Variants in CLCN5 observed in about 807,000 individuals in gnomAD.
The protein encoded by CLCN5 is H(+)/Cl(-) exchange transporter 5.
In CLCN5, 17 loss-of-function variants were observed where a neutral mutation model predicts 54.0. The ratio of observed to expected loss-of-function variants is 0.31; its 90% CI spans 0.22 to 0.47. CLCN5 has a LOEUF of 0.47. Ranked by LOEUF, CLCN5 falls within the 20% of genes least tolerant of loss-of-function variation. The pLI, the probability that CLCN5 is intolerant of heterozygous loss-of-function variation, is 1.00. For missense variants in CLCN5, 448 were observed against 646.7 expected (o/e 0.69, Z 3.33); for synonymous variants, 222 against 233.0 (o/e 0.95, Z 0.43).
chrX:50,081,433 C>G (rs1258625474), intron 8 of CLCN5, among the ~76,000 whole-genome samples: 1 of 111,033 alleles, frequency 9.0e-6, no homozygotes, highest in Non-Finnish European at 1.9e-5. Flanking sequence ...CTCCCCTCCC[C>G]CTAAAAAGGG....
intron 3 of CLCN5, among the ~76,000 whole-genome samples, chrX:49,993,010 T>C (rs139917196): frequency 9.0e-6 from 1 of 111,659 alleles, no homozygotes; most frequent in East Asian, 2.8e-4. Flanking sequence ...TACAATAGTT[T>C]AAGCAGATTT....
At chrX:49,961,521 C>G (rs782409694) in intron 3 of CLCN5, among the ~76,000 whole-genome samples, 128 of 111,966 alleles carry the variant, frequency 1.1e-3, no homozygotes, top group African/African-American at 4.1e-3. Flanking sequence ...CTGGAAAGCA[C>G]CTTCCTTAAC....
intron 3 of CLCN5, among the ~76,000 whole-genome samples, chrX:49,937,641 G>GA (rs1384388861): frequency 2.7e-5 from 3 of 111,751 alleles, no homozygotes; most frequent in African/African-American, 9.7e-5. Context: ...GTTTTTTGAT[G>GA]AAACAGTTGT....
chrX:50,077,231 G>A (rs1557192241), intron 7 of CLCN5, among the ~76,000 whole-genome samples: 1 of 110,970 alleles, frequency 9.0e-6, no homozygotes, highest in African/African-American at 3.3e-5. Flanking sequence ...CTTGGCTTAG[G>A]TAAAGGGTTC....
intron 3 of CLCN5, among the ~76,000 whole-genome samples, chrX:49,932,186 G>A (rs1557168963): frequency 8.9e-6 from 1 of 111,832 alleles, no homozygotes; most frequent in Admixed American, 9.4e-5. Flanking sequence ...AAAGTGCAGG[G>A]ATTACAGGCA....
intron 3 of CLCN5, among the ~76,000 whole-genome samples, chrX:50,019,755 A>G (rs1173012810): frequency 8.3e-5 from 1 of 11,992 alleles, no homozygotes; most frequent in Non-Finnish European, 1.5e-4. Flanking sequence ...GCGATAGTTT[A>G]CTGAGAATGA....
intron 3 of CLCN5, among the ~76,000 whole-genome samples, chrX:49,998,913 C>T (rs1164295242): frequency 9.0e-6 from 1 of 111,425 alleles, no homozygotes; most frequent in African/African-American, 3.3e-5. Flanking sequence ...CTCCCATTTG[C>T]CTTGAATGGT....
chrX:50,034,876 G>A (rs1931913163), intron 3 of CLCN5, among the ~76,000 whole-genome samples: 1 of 110,488 alleles, frequency 9.1e-6, no homozygotes, highest in Non-Finnish European at 1.9e-5. Flanking sequence ...ATGGCAAACT[G>A]CCTTACCAGC....
At chrX:50,009,992 C>G (rs1475034020) in intron 3 of CLCN5, among the ~76,000 whole-genome samples, 1 of 111,180 alleles carries the variant, frequency 9.0e-6, no homozygotes, top group Non-Finnish European at 1.9e-5. Flanking sequence ...ATATTATAGC[C>G]TGAGAGGAGA....
chrX:49,995,941 G>T (rs1929503016), intron 3 of CLCN5, among the ~76,000 whole-genome samples: 1 of 111,783 alleles, frequency 8.9e-6, no homozygotes, highest in African/African-American at 3.3e-5. Flanking sequence ...TGTTATCCAC[G>T]TGGCATATGG....
chrX:49,947,803 C>A (rs1446969884), intron 3 of CLCN5, among the ~76,000 whole-genome samples: 2 of 111,251 alleles, frequency 1.8e-5, no homozygotes, highest in East Asian at 5.7e-4. Context: ...ATCTAGTCAG[C>A]CACTTAATTT....
At chrX:50,072,714 C>T in intron 6 of CLCN5, 126 bp downstream of exon 6, 1 of 539,650 alleles carries the variant, frequency 1.9e-6, no homozygotes, top group Non-Finnish European at 3.3e-6. Context: ...TGCTGGTGAA[C>T]CTTATAGAAG....
At chrX:49,932,955 A>G (rs1374901966) in intron 3 of CLCN5, among the ~76,000 whole-genome samples, 3 of 112,075 alleles carry the variant, frequency 2.7e-5, no homozygotes, top group African/African-American at 9.7e-5. Context: ...GTGGGGAGCA[A>G]GAGGGAGCCT....
At chrX:49,937,103 C>T (rs1294944052) in intron 3 of CLCN5, among the ~76,000 whole-genome samples, 2 of 110,829 alleles carry the variant, frequency 1.8e-5, no homozygotes, top group Non-Finnish European at 3.8e-5. Flanking sequence ...CATATAGTGA[C>T]AGGGAATGGT....
Position 50,039,032 on chromosome X carries a change from A to G in CLCN5, c.17-3284A>G, listed in dbSNP as rs1038810224. ...TGTGGCTTACGCTTGTAATCCCAAC[A>G]CTTTGGGAGGCTGAGGTGGGAGGAT... On this transcript the variant is annotated intron_variant, in intron 3 of 14. Coordinates refer to ENST00000376091, the MANE Select transcript of CLCN5 (RefSeq NM_001127898.4). 2.7e-5 allele frequency among the ~76,000 whole-genome samples: 3 copies of G among 111,909 alleles called. No individual in the cohort carries two copies. The Middle Eastern group carries it at 0.014, about 513-fold the overall frequency.
At chrX:50,013,401 G>A (rs1306725987) in intron 3 of CLCN5, 12 of 282,583 alleles carry the variant, frequency 4.2e-5, no homozygotes, top group Non-Finnish European at 7.8e-5. Context: ...GCCATGAGCT[G>A]TGCTGGGAGT....
intron 3 of CLCN5, among the ~76,000 whole-genome samples, chrX:50,014,435 C>T (rs1401689592): frequency 8.9e-6 from 1 of 112,244 alleles, no homozygotes; most frequent in African/African-American, 3.2e-5. Context: ...ACCTAATATT[C>T]CTGCACGTGC....
At chrX:49,977,335 CT>C (rs1928527304) in intron 3 of CLCN5, among the ~76,000 whole-genome samples, 1 of 111,579 alleles carries the variant, frequency 9.0e-6, no homozygotes, top group Non-Finnish European at 1.9e-5. Flanking sequence ...TTTTCTCAGT[CT>C]TTTCAAAATT....
intron 4 of CLCN5, among the ~76,000 whole-genome samples, chrX:50,049,015 C>T (rs1932487724): frequency 9.0e-6 from 1 of 111,096 alleles, no homozygotes; most frequent in Admixed American, 9.5e-5. Context: ...TCTATTACCA[C>T]ATGGATCACT....
Sources: gnomAD v4.1 joint callset for allele counts (sites outside exome capture counted in the v4.1 genomes callset) on GRCh38, gnomAD v4.1.1 for gene constraint, MANE v1.5 for transcripts, NCBI Gene and HGNC (gene_info 2026-07-23, HGNC 2026-07-21) for gene names.